The following ATP23 variants were observed in gnomAD, a reference collection of about 807,000 sequenced individuals.
The protein encoded by ATP23 is mitochondrial inner membrane protease ATP23 homolog.
Under a neutral mutation model 28.5 loss-of-function variants are expected in ATP23, and 24 were observed. The observed-to-expected ratio is 0.84, with a 90% CI of 0.61 to 1.18. The LOEUF is 1.18. ATP23 is among the 50% of genes most tolerant of loss of function. ATP23 has a pLI of 0.00. For missense variants in ATP23, 274 were observed against 306.4 expected (o/e 0.89, Z 0.79); for synonymous variants, 99 against 108.6 (o/e 0.91, Z 0.55).
At position 57,947,083 on chromosome 12, in the gene ATP23, A is replaced by T; in HGVS notation, c.315+7A>T. 1.2e-6 allele frequency: 2 copies of T among 1,613,064 alleles called. No homozygotes were observed. The highest frequency in any genetic ancestry group is 1.7e-6 in the Non-Finnish European group (2 of 1,179,412). ...TGATGCTTCAACATCTCAGGTAGGC[A>T]TTATTGCCAAATTGTTTCCTTCCCT... On this transcript the variant is annotated splice_region_variant and intron_variant, in intron 3 of 5. Transcript: ENST00000300145.
intron 3 of ATP23, 39 bp downstream of exon 3, chr12:57,947,115 C>T (rs770188273): frequency 4.4e-6 from 7 of 1,579,306 alleles, no homozygotes; most frequent in Non-Finnish European, 6.1e-6. Context: ...CCCTTTAATC[C>T]TCTCTCTTTA....
At chr12:57,954,477 G>C (rs928399277) in intron 5 of ATP23, among the ~76,000 whole-genome samples, 1 of 152,210 alleles carries the variant, frequency 6.6e-6, no homozygotes, top group Non-Finnish European at 1.5e-5. Flanking sequence ...TGAGTATGAT[G>C]AGCTTAGCTG....
chr12:57,942,026 G>A, intron 1 of ATP23, 138 bp downstream of exon 1: 1 of 1,077,062 alleles, frequency 9.3e-7, no homozygotes. Flanking sequence ...CATGGGGGCT[G>A]GGTTGGGAGC....
intron 2 of ATP23, among the ~76,000 whole-genome samples, chr12:57,946,759 A>G (rs972934700): frequency 7.2e-5 from 11 of 152,098 alleles, no homozygotes; most frequent in African/African-American, 2.4e-4. Flanking sequence ...CCTGGGGGAC[A>G]AATGTTTTAT....
At position 57,957,022 on chromosome 12, in the gene ATP23, A is replaced by G. The variant is rs1050769925; in HGVS notation, c.*132A>G. On this transcript the variant is annotated 3_prime_UTR_variant, in exon 6 of 6. Transcript: ENST00000300145. ...ATAAAACAGAGAAGACTGTGATTCT[A>G]GCATATTATCAGAAAAAGTAACTAT... The G allele has an allele frequency of 7.2e-6, 5 of 696,518 alleles. No homozygotes were observed. The highest frequency in any genetic ancestry group is 1.0e-5 in the Non-Finnish European group (5 of 480,268). The allele number at this position is 696,518 out of a possible 1,614,324, so 43.1% of individuals were successfully genotyped here.
Position 57,941,792 on chromosome 12 carries a change from C to A in ATP23, c.91C>A (p.Arg31Ser). ...CGTCTCTTGCCAGGTCTTCCCCGAG[C>A]GTCTGGCCCAGGGGAATCCCCAGCA... ...QHVSCQVFPE[R>S]LAQGNPQQGF... Residue 31 changes from arginine to serine, a missense_variant, in exon 1 of 6, where the codon CGT becomes AGT. Arg to Ser is a moderately radical substitution (Grantham distance 110). Transcript: ENST00000300145. 1 of 1,609,452 alleles carries A rather than the reference C, an allele frequency of 6.2e-7. No homozygotes were observed. The highest frequency in any genetic ancestry group is 8.5e-7 in the Non-Finnish European group (1 of 1,178,156).
Position 57,941,870 on chromosome 12 carries a change from C to A in ATP23, c.169C>A (p.Leu57Met). Residue 57 changes from leucine (L) to methionine (M), a missense_variant, in exon 1 of 6, where the codon CTG becomes ATG. Coordinates refer to ENST00000300145, the MANE Select transcript of ATP23 (RefSeq NM_033276.4). ...CAACCAGAAGTGCCAGCTTAGGCTCCTGAAGACGCTGGAGACAAGTAGGAG... is the reference window on the plus strand; with the variant it reads ...CAACCAGAAGTGCCAGCTTAGGCTCATGAAGACGCTGGAGACAAGTAGGAG... ...TSNQKCQLRL[L>M]KTLETNPYVK... is the part of the protein sequence containing the mutation. 6.2e-7 allele frequency: 1 copy of A among 1,613,540 alleles called. No homozygotes were observed. The highest frequency in any genetic ancestry group is 1.1e-5 in the South Asian group (1 of 90,918).
chr12:57,958,552 A>T lies in ATP23; in HGVS notation c.*1662A>T, dbSNP rs540771862. ...GCCGAGAGACCCATAGACGGTTCAC[A>T]TCACAGGATTCTGTGCAGGCAACCC... is the stretch of plus-strand genomic sequence containing the variant. On this transcript the variant is annotated 3_prime_UTR_variant, in exon 6 of 6. Coordinates refer to ENST00000300145, the MANE Select transcript of ATP23 (RefSeq NM_033276.4). Among the ~76,000 whole-genome samples, 2 of 152,222 alleles carry T rather than the reference A, an allele frequency of 1.3e-5. No individual in the cohort carries two copies. The highest frequency in any genetic ancestry group is 4.8e-5 in the African/African-American group (2 of 41,460).
At chr12:57,944,601 T>G (rs2140527582) in intron 1 of ATP23, among the ~76,000 whole-genome samples, 1 of 152,370 alleles carries the variant, frequency 6.6e-6, no homozygotes, top group Middle Eastern at 3.4e-3. Flanking sequence ...TTGAGGCTCT[T>G]TCAATCTACT....
Position 57,945,652 on chromosome 12 carries a change from A to G in ATP23, c.212A>G (p.Asp71Gly), listed in dbSNP as rs1333467403. 5 of 1,613,764 alleles carry G rather than the reference A, an allele frequency of 3.1e-6. No homozygotes were observed. In the South Asian group the frequency reaches 5.5e-5, roughly 18 times the overall value. The change falls in exon 2 of 6, where the codon GAT (aspartate) becomes GGT (glycine). Residue 71 changes from aspartate (D) to glycine (G), a missense_variant. By Grantham distance (94) the Asp-to-Gly change is moderately conservative. Coordinates refer to ENST00000300145, the MANE Select transcript of ATP23 (RefSeq NM_033276.4). ...GATCCATATGTCAAACTTCTGCTTGATGCTATGAAACACTCAGGTTGGTAA... is the reference window on the plus strand; with the variant it reads ...GATCCATATGTCAAACTTCTGCTTGGTGCTATGAAACACTCAGGTTGGTAA... Reference protein sequence around the residue: ...ETNPYVKLLLDAMKHSGCAVN... With the variant: ...ETNPYVKLLLGAMKHSGCAVN...
chr12:57,957,349 C>T lies in ATP23; in HGVS notation c.*459C>T, dbSNP rs187098810. On this transcript the variant is annotated 3_prime_UTR_variant, in exon 6 of 6. Coordinates refer to ENST00000300145, the MANE Select transcript of ATP23 (RefSeq NM_033276.4). ...CATTCAGTGGTCAATGCTATCCTCTCCCTATTCTTCTTTTATCATATATGT... is the reference window on the plus strand; with the variant it reads ...CATTCAGTGGTCAATGCTATCCTCTTCCTATTCTTCTTTTATCATATATGT... The T allele has an allele frequency of 6.5e-6, 1 of 153,412 alleles. No homozygotes were observed. Among genetic ancestry groups the T allele is most frequent in the East Asian group, 1.9e-4 (1 of 5,206 alleles). The allele number at this position is 153,412 out of a possible 1,614,324, so 9.5% of individuals were successfully genotyped here.
chr12:57,957,620 C>A lies in ATP23; in HGVS notation c.*730C>A, dbSNP rs1429564028. ...CTCCTCTCCCACACACACCCCCCCA[C>A]TGGAGAAACTGAAGGTCTGTTTGTG... On this transcript the variant is annotated 3_prime_UTR_variant, in exon 6 of 6. Coordinates refer to ENST00000300145, the MANE Select transcript of ATP23 (RefSeq NM_033276.4). Among the ~76,000 whole-genome samples the A allele has an allele frequency of 1.3e-5, 2 of 152,164 alleles. No individual in the cohort carries two copies. Among genetic ancestry groups the A allele is most frequent in the Non-Finnish European group, 2.9e-5 (2 of 68,042 alleles).
intron 5 of ATP23, among the ~76,000 whole-genome samples, chr12:57,953,976 C>A (rs905461307): frequency 1.3e-5 from 2 of 151,908 alleles, no homozygotes; most frequent in South Asian, 4.2e-4. Context: ...GGGCGGATCA[C>A]GAGGTCAGGA....
chr12:57,955,343 A>G (rs537278249), intron 5 of ATP23, among the ~76,000 whole-genome samples: 1 of 150,960 alleles, frequency 6.6e-6, no homozygotes, highest in South Asian at 2.1e-4. Flanking sequence ...ACAATCTTTG[A>G]AAGAGGAAGT....
At chr12:57,952,011 T>A (rs1956820966) in intron 4 of ATP23, 116 bp downstream of exon 4, 19 of 1,359,010 alleles carry the variant, frequency 1.4e-5, no homozygotes, top group Non-Finnish European at 1.9e-5. Flanking sequence ...AGTCTTGAAT[T>A]TCGGTTTATA....
intron 2 of ATP23, among the ~76,000 whole-genome samples, chr12:57,946,287 A>G (rs1956760125): frequency 6.6e-6 from 1 of 152,150 alleles, no homozygotes; most frequent in South Asian, 2.1e-4. Flanking sequence ...ACTGTTTTTA[A>G]TGGAAAAGAA....
chr12:57,943,349 A>T (rs11172388), intron 1 of ATP23, among the ~76,000 whole-genome samples: 41,255 of 151,890 alleles, frequency 0.27, 7,076 homozygotes, highest in East Asian at 0.67. Context: ...AAAAAAAGAG[A>T]AGGGGAAAAT....
At chr12:57,953,931 G>A (rs975920225) in intron 5 of ATP23, among the ~76,000 whole-genome samples, 4 of 152,072 alleles carry the variant, frequency 2.6e-5, no homozygotes, top group Non-Finnish European at 4.4e-5. Flanking sequence ...CTGGTGCGGT[G>A]GCTTATGCCT....
At chr12:57,952,527 G>C (rs1382190281) in intron 4 of ATP23, among the ~76,000 whole-genome samples, 2 of 152,274 alleles carry the variant, frequency 1.3e-5, no homozygotes, top group East Asian at 1.9e-4. Context: ...ATTGCTCTTG[G>C]AATATGCTCC....
Sources: gnomAD v4.1 joint callset for allele counts (sites outside exome capture counted in the v4.1 genomes callset) on GRCh38, gnomAD v4.1.1 for gene constraint, MANE v1.5 for transcripts, NCBI Gene and HGNC (gene_info 2026-07-23, HGNC 2026-07-21) for gene names.